The following GALNT18 variants were observed in gnomAD, a reference collection of about 807,000 sequenced individuals.
The protein encoded by GALNT18 is polypeptide N-acetylgalactosaminyltransferase 18.
In GALNT18, 44 loss-of-function variants were observed where a neutral mutation model predicts 69.5. The ratio of observed to expected loss-of-function variants is 0.63; its 90% CI spans 0.50 to 0.81. GALNT18 has a LOEUF of 0.81. GALNT18 is among the 40% of genes least tolerant of loss of function. The pLI is 0.00. For missense variants in GALNT18, 715 were observed against 810.0 expected, an observed-to-expected ratio of 0.88 and a Z score of 1.42; for synonymous variants, 364 against 318.2, an observed-to-expected ratio of 1.14 and a Z score of -1.53.
chr11:11,287,196 C>A (rs1005404244), intron 10 of GALNT18, among the ~76,000 whole-genome samples: 2 of 152,188 alleles, frequency 1.3e-5, no homozygotes, highest in Non-Finnish European at 2.9e-5. Flanking sequence ...CCTTTCTGAG[C>A]AATTTCTGGT....
chr11:11,587,134 C>G lies in GALNT18; in HGVS notation c.235+34225G>C, dbSNP rs911960153. Reference sequence around the variant, plus strand: ...CCAAACCTTCCCCAAGAGCCAGCCACAAAACAGTTACTGCCTGGCACAGCA... The same window carrying G: ...CCAAACCTTCCCCAAGAGCCAGCCAGAAAACAGTTACTGCCTGGCACAGCA... On this transcript the variant is annotated intron_variant, in intron 1 of 10. Transcript: ENST00000227756. The surrounding 1 kb of genome is among the most constrained non-coding windows in gnomAD (Gnocchi z 4.4). Among the ~76,000 whole-genome samples the G allele has an allele frequency of 2.0e-5, 3 of 152,188 alleles. No individual in the cohort carries two copies. The highest frequency in any genetic ancestry group is 2.9e-5 in the Non-Finnish European group (2 of 68,032).
At position 11,454,525 on chromosome 11, in the gene GALNT18, T is replaced by C. The variant is rs1339636902; in HGVS notation, c.236-5589A>G. ...CTTCTTGCCTCTCTCTCTCTCTCTC[T>C]TTCAAATCTCACCAAGTAAGGCTCA... On this transcript the variant is annotated intron_variant, in intron 1 of 10. Transcript: ENST00000227756. The surrounding 1 kb of genome is among the most constrained non-coding windows in gnomAD (Gnocchi z 4.2). 6.6e-6 allele frequency among the ~76,000 whole-genome samples: 1 copy of C among 152,030 alleles called. No individual in the cohort carries two copies. Among genetic ancestry groups the C allele is most frequent in the African/African-American group, 2.4e-5 (1 of 41,372 alleles).
intron 10 of GALNT18, among the ~76,000 whole-genome samples, chr11:11,292,048 A>T (rs1381078800): frequency 2.6e-5 from 4 of 152,068 alleles, no homozygotes; most frequent in Non-Finnish European, 5.9e-5. Flanking sequence ...TCACCAGGGG[A>T]GAAGCAGCTT....
In GALNT18 at chr11:11,432,524, A is replaced by T; in HGVS notation, c.595+97T>A. On this transcript the variant is annotated intron_variant, in intron 3 of 10. Coordinates refer to ENST00000227756, the MANE Select transcript of GALNT18 (RefSeq NM_198516.3). The surrounding 1 kb of genome is among the most constrained non-coding windows in gnomAD (Gnocchi z 5.8). ...TATGCTCCAGAGAAAGAGCAGCCACAGACAGCCTTGAGCAAATGTGAACCA... is the reference window on the plus strand; with the variant it reads ...TATGCTCCAGAGAAAGAGCAGCCACTGACAGCCTTGAGCAAATGTGAACCA... The T allele has an allele frequency of 4.8e-6, 6 of 1,247,438 alleles. No homozygotes were observed. The highest frequency in any genetic ancestry group is 6.6e-6 in the Non-Finnish European group (6 of 903,156). The allele number at this position is 1,247,438 out of a possible 1,614,324, so 77.3% of individuals were successfully genotyped here.
chr11:11,380,605 T>C (rs1853888175), intron 3 of GALNT18, among the ~76,000 whole-genome samples: 1 of 152,250 alleles, frequency 6.6e-6, no homozygotes, highest in Non-Finnish European at 1.5e-5. Flanking sequence ...ACTGCTAACA[T>C]ATACTTACAA....
At position 11,318,480 on chromosome 11, in the gene GALNT18, G is replaced by A. The variant is rs570941127; in HGVS notation, c.1512+8606C>T. ...AGGGACCAGCAGAAGTTAGGAGAGTGCCTGGAGTAGAATCTTTCCTAGGCC... is the reference window on the plus strand; with the variant it reads ...AGGGACCAGCAGAAGTTAGGAGAGTACCTGGAGTAGAATCTTTCCTAGGCC... On this transcript the variant is annotated intron_variant, in intron 9 of 10. Transcript: ENST00000227756. This position sits in a 1 kb window ranked among gnomAD's most constrained non-coding sequence, Gnocchi z 5.1. 6.6e-5 allele frequency among the ~76,000 whole-genome samples: 10 copies of A among 152,278 alleles called. 1 individual carries two copies. The South Asian group carries it at 2.1e-3, about 32-fold the overall frequency.
chr11:11,422,554 A>G (rs184204211), intron 3 of GALNT18, among the ~76,000 whole-genome samples: 19 of 151,766 alleles, frequency 1.3e-4, no homozygotes, highest in Non-Finnish European at 2.2e-4. Flanking sequence ...GATTAGCTAC[A>G]TGGGATTCTT....
chr11:11,443,699 G>C (rs1855582588), intron 2 of GALNT18, among the ~76,000 whole-genome samples: 1 of 152,216 alleles, frequency 6.6e-6, no homozygotes, highest in African/African-American at 2.4e-5. Context: ...TCCCAGACCA[G>C]GAAGGAAGCA....
chr11:11,476,298 G>A (rs72863100), intron 1 of GALNT18: 7,487 of 152,102 alleles, frequency 0.049, 268 homozygotes, highest in Non-Finnish European at 0.073. Flanking sequence ...CATGTCTCCC[G>A]GGATTCCAGA....
At position 11,523,673 on chromosome 11, in the gene GALNT18, C is replaced by T. The variant is rs528308996; in HGVS notation, c.236-74737G>A. On this transcript the variant is annotated intron_variant, in intron 1 of 10. Transcript: ENST00000227756. The surrounding 1 kb of genome is among the most constrained non-coding windows in gnomAD (Gnocchi z 4.3). ...GGAAGAGGTTGCAGTGAGCCGAGATCGCACCACTGCACTCCAGCCTGGGCA... is the reference window on the plus strand; with the variant it reads ...GGAAGAGGTTGCAGTGAGCCGAGATTGCACCACTGCACTCCAGCCTGGGCA... 4.6e-5 allele frequency among the ~76,000 whole-genome samples: 7 copies of T among 150,912 alleles called. No homozygotes were observed. Among genetic ancestry groups the T allele is most frequent in the South Asian group, 4.2e-4 (2 of 4,722 alleles).
chr11:11,565,475 C>T (rs981765425), intron 1 of GALNT18, among the ~76,000 whole-genome samples: 1 of 152,098 alleles, frequency 6.6e-6, no homozygotes, highest in African/African-American at 2.4e-5. Context: ...GATCTAAGGC[C>T]TCTAAGCATG....
chr11:11,379,972 A>G (rs532978741), intron 3 of GALNT18, among the ~76,000 whole-genome samples: 1 of 152,322 alleles, frequency 6.6e-6, no homozygotes, highest in East Asian at 1.9e-4. Context: ...CACTGCATTC[A>G]TTACCTTTTT....
chr11:11,576,744 C>T (rs11823894), intron 1 of GALNT18, among the ~76,000 whole-genome samples: 27,111 of 152,202 alleles, frequency 0.18, 2,624 homozygotes, highest in Admixed American at 0.26. Flanking sequence ...TCGGGGTCTG[C>T]GTGTGGGGCC....
intron 6 of GALNT18, chr11:11,353,026 C>A: frequency 5.0e-6 from 8 of 1,614,220 alleles, no homozygotes; most frequent in Non-Finnish European, 6.8e-6. Flanking sequence ...TTTCCCCATT[C>A]CACCACATGT....
In GALNT18 at chr11:11,584,190, G is replaced by A. The variant is rs1310974749; in HGVS notation, c.235+37169C>T. ...CAAATGGTAGGACAAGTGGGCCAGC[G>A]GCAATAAAATTAGAGCAAAGTGTCC... On this transcript the variant is annotated intron_variant, in intron 1 of 10. Transcript: ENST00000227756. This position sits in a 1 kb window ranked among gnomAD's most constrained non-coding sequence, Gnocchi z 4.1. Among the ~76,000 whole-genome samples, 2 of 152,080 alleles carry A rather than the reference G, an allele frequency of 1.3e-5. No individual in the cohort carries two copies. Among genetic ancestry groups the A allele is most frequent in the Non-Finnish European group, 2.9e-5 (2 of 68,024 alleles).
intron 8 of GALNT18, among the ~76,000 whole-genome samples, chr11:11,330,741 C>T (rs972449988): frequency 5.3e-5 from 8 of 152,198 alleles, no homozygotes; most frequent in African/African-American, 1.9e-4. Flanking sequence ...GCATGGAGGG[C>T]CTACATGTTA....
chr11:11,515,824 G>C (rs1003550810), intron 1 of GALNT18, among the ~76,000 whole-genome samples: 1 of 152,236 alleles, frequency 6.6e-6, no homozygotes, highest in Non-Finnish European at 1.5e-5. Context: ...TCACTGGGCA[G>C]GAAGGAAGGG....
At chr11:11,364,339 G>A (rs1206404430) in intron 6 of GALNT18, among the ~76,000 whole-genome samples, 3 of 152,210 alleles carry the variant, frequency 2.0e-5, no homozygotes, top group African/African-American at 7.2e-5. Context: ...TAGACATCGT[G>A]TACCTCATGA....
chr11:11,355,384 T>C (rs1332113259), intron 6 of GALNT18, among the ~76,000 whole-genome samples: 1 of 152,136 alleles, frequency 6.6e-6, no homozygotes, highest in Non-Finnish European at 1.5e-5. Flanking sequence ...TGTGACTATA[T>C]TGGAGATGGG....
Sources: allele counts gnomAD v4.1 joint callset (sites outside exome capture counted in the v4.1 genomes callset), GRCh38; gene constraint gnomAD v4.1.1; non-coding constraint Gnocchi (gnomAD v3.1); transcripts MANE v1.5; gene names NCBI Gene and HGNC (gene_info 2026-07-23, HGNC 2026-07-21).